The following PDE1A variants were observed in gnomAD, a reference collection of about 807,000 sequenced individuals.
PDE1A encodes the protein phosphodiesterase 1A.
In PDE1A, 35 loss-of-function variants were observed where a neutral mutation model predicts 61.7. The observed-to-expected ratio is 0.57, with a 90% confidence interval of 0.43 to 0.75. The LOEUF (loss-of-function observed/expected upper bound fraction) is 0.75, where lower values mean the gene tolerates loss of function less well. PDE1A is among the 30% of genes least tolerant of loss of function. The pLI is 0.00. For synonymous variants in PDE1A, 232 were observed against 213.2 expected, an observed-to-expected ratio of 1.09 and a Z score of -0.77; for missense variants, 597 against 630.6, an observed-to-expected ratio of 0.95 and a Z score of 0.57.
chr2:182,318,780 A>C (rs944622982), intron 1 of PDE1A, among the ~76,000 whole-genome samples: 1 of 152,142 alleles, frequency 6.6e-6, no homozygotes, highest in Non-Finnish European at 1.5e-5. Context: ...AGTGGTCCTA[A>C]TTTTCACTAG....
the PDE1A span, among the ~76,000 whole-genome samples, chr2:182,596,679 CTGGATGGA>C: frequency 1.9e-4 from 28 of 149,106 alleles, no homozygotes; most frequent in South Asian, 4.4e-4. Context: ...GAATAATAAA[CTGGATGGA>C]TGGATGGATG....
chr2:182,333,356 A>G (rs1697555698), intron 1 of PDE1A, among the ~76,000 whole-genome samples: 1 of 152,226 alleles, frequency 6.6e-6, no homozygotes, highest in Non-Finnish European at 1.5e-5. Context: ...CAAATGCAAA[A>G]GGACTGAAAT....
At chr2:182,584,078 A>G in the PDE1A span, among the ~76,000 whole-genome samples, 2 of 152,254 alleles carry the variant, frequency 1.3e-5, no homozygotes, top group African/African-American at 2.4e-5. Flanking sequence ...TTAAAAAGGC[A>G]GCTCTAGAGA....
intron 7 of PDE1A, among the ~76,000 whole-genome samples, chr2:182,212,371 C>T (rs1224035057): frequency 6.6e-6 from 1 of 152,088 alleles, no homozygotes; most frequent in Admixed American, 6.5e-5. Context: ...CACTTAAAAT[C>T]TACTCTTGGC....
chr2:182,293,529 A>T (rs1271488302), intron 1 of PDE1A, among the ~76,000 whole-genome samples: 1 of 152,126 alleles, frequency 6.6e-6, no homozygotes. Context: ...TGAACTAATT[A>T]TCACATGCAA....
At chr2:182,198,775 G>GTAA (rs1475843128) in intron 10 of PDE1A, among the ~76,000 whole-genome samples, 1 of 151,796 alleles carries the variant, frequency 6.6e-6, no homozygotes, top group Admixed American at 6.6e-5. Flanking sequence ...ATGTGGATGT[G>GTAA]TAATTTTCTT....
At chr2:182,669,637 T>G in the PDE1A span, among the ~76,000 whole-genome samples, 1 of 152,242 alleles carries the variant, frequency 6.6e-6, no homozygotes, top group Non-Finnish European at 1.5e-5. Flanking sequence ...CACTCATATT[T>G]TCGTCATTAA....
At chr2:182,178,560 G>C (rs932009600) in intron 13 of PDE1A, among the ~76,000 whole-genome samples, 2 of 152,104 alleles carry the variant, frequency 1.3e-5, no homozygotes, top group African/African-American at 4.8e-5. Flanking sequence ...AAACAAGAAA[G>C]AATTCTGAGA....
chr2:182,334,289 CAT>C (rs1697629816), intron 1 of PDE1A, among the ~76,000 whole-genome samples: 1 of 151,322 alleles, frequency 6.6e-6, no homozygotes, highest in South Asian at 2.1e-4. Context: ...CACACACACA[CAT>C]GCACACACAC....
At chr2:182,311,993 C>T (rs1169192376) in intron 1 of PDE1A, among the ~76,000 whole-genome samples, 2 of 152,098 alleles carry the variant, frequency 1.3e-5, no homozygotes, top group African/African-American at 2.4e-5. Context: ...AGTGGTATCT[C>T]ACTGCAGTTT....
At chr2:182,199,610 A>G (rs1686437190) in intron 10 of PDE1A, among the ~76,000 whole-genome samples, 1 of 152,142 alleles carries the variant, frequency 6.6e-6, no homozygotes, top group Admixed American at 6.5e-5. Context: ...TCACAGGGCT[A>G]TACAGAAAGA....
At chr2:182,302,911 T>C (rs1232264375) in intron 1 of PDE1A, among the ~76,000 whole-genome samples, 1 of 152,224 alleles carries the variant, frequency 6.6e-6, no homozygotes, top group Admixed American at 6.5e-5. Flanking sequence ...CCACTTTCTT[T>C]GCTCACGCAT....
intron 2 of PDE1A, among the ~76,000 whole-genome samples, chr2:182,445,257 G>A (rs62188286): frequency 0.18 from 26,984 of 152,054 alleles, 2,811 homozygotes; most frequent in Middle Eastern, 0.35. Flanking sequence ...TTCCTTCTAA[G>A]TATAGATATC....
chr2:182,291,661 G>A (rs962817281), intron 1 of PDE1A, among the ~76,000 whole-genome samples: 3 of 152,054 alleles, frequency 2.0e-5, no homozygotes. Flanking sequence ...ACAGTTTAGA[G>A]CATAAAGTGG....
At chr2:182,263,636 A>C (rs189431017) in intron 2 of PDE1A, among the ~76,000 whole-genome samples, 5 of 152,224 alleles carry the variant, frequency 3.3e-5, no homozygotes, top group Admixed American at 3.3e-4. Context: ...TTGAGAAGAG[A>C]ATTAGGAACC....
At chr2:182,299,895 T>C (rs1695130264) in intron 1 of PDE1A, among the ~76,000 whole-genome samples, 1 of 152,118 alleles carries the variant, frequency 6.6e-6, no homozygotes, top group South Asian at 2.1e-4. Context: ...CACCGGTGCA[T>C]TGTATTGACG....
chr2:182,544,192 C>T, the PDE1A span, among the ~76,000 whole-genome samples: 1 of 152,148 alleles, frequency 6.6e-6, no homozygotes. Flanking sequence ...CAATTAATGA[C>T]CTGACCATAA....
At chr2:182,511,127 T>A (rs976966260) in intron 2 of PDE1A, among the ~76,000 whole-genome samples, 1 of 152,074 alleles carries the variant, frequency 6.6e-6, no homozygotes, top group African/African-American at 2.4e-5. Context: ...ATGAGATACG[T>A]GATGATATTA....
At chr2:182,372,441 G>T (rs536600129) in intron 1 of PDE1A, among the ~76,000 whole-genome samples, 1 of 152,046 alleles carries the variant, frequency 6.6e-6, no homozygotes, top group Non-Finnish European at 1.5e-5. Flanking sequence ...CTTTTAAAAG[G>T]CATTTTAAAG....
Sources: gnomAD v4.1 joint callset for allele counts (sites outside exome capture counted in the v4.1 genomes callset) on GRCh38, gnomAD v4.1.1 for gene constraint, MANE v1.5 for transcripts, NCBI Gene and HGNC (gene_info 2026-07-23, HGNC 2026-07-21) for gene names.